PTGS1: variants seen among roughly 807,000 people sequenced by gnomAD.
PTGS1 encodes the protein prostaglandin G/H synthase 1.
Under a neutral mutation model 63.0 loss-of-function variants are expected in PTGS1, and 40 were observed. The observed-to-expected ratio is 0.63, with a 90% CI of 0.49 to 0.83. The LOEUF (loss-of-function observed/expected upper bound fraction) is 0.83, where lower values mean the gene tolerates loss of function less well. PTGS1 is among the 40% of genes least tolerant of loss of function. The probability of loss-of-function intolerance (pLI) is 0.00; values close to 1 mark genes in which losing one functional copy is unlikely to be tolerated. For synonymous variants in PTGS1, 298 were observed against 301.9 expected (o/e 0.99, Z 0.13); for missense variants, 709 against 786.5 (o/e 0.90, Z 1.18).
Position 122,383,758 on chromosome 9 carries a change from G to C in PTGS1, c.1009+3G>C. 6.2e-7 allele frequency: 1 copy of C among 1,607,724 alleles called. No individual in the cohort carries two copies. Among genetic ancestry groups the C allele is most frequent in the Non-Finnish European group, 8.5e-7 (1 of 1,179,336 alleles). ...GACGACCCGCCTCATCCTCATAGGT[G>C]AGGACTCCAGACCTGCCCTGCCCTG... On this transcript the variant is annotated splice_donor_region_variant and intron_variant, in intron 8 of 10. Transcript: ENST00000362012.
At chr9:122,390,734 A>G (rs1267004080) in intron 10 of PTGS1, among the ~76,000 whole-genome samples, 3 of 152,076 alleles carry the variant, frequency 2.0e-5, no homozygotes, top group Non-Finnish European at 4.4e-5. Flanking sequence ...CGTCTCTACT[A>G]AAAATACAAA....
rs200387400 is a variant in PTGS1, at chr9:122,392,676, C to T, written c.*132C>T. Reference sequence around the variant, plus strand: ...TGAGTGTTGGGGTTGACATTTAGAACTTTAAGTCTCACCCATTATCTGGAA... The same window carrying T: ...TGAGTGTTGGGGTTGACATTTAGAATTTTAAGTCTCACCCATTATCTGGAA... On this transcript the variant is annotated 3_prime_UTR_variant, in exon 11 of 11. Coordinates refer to ENST00000362012, the MANE Select transcript of PTGS1 (RefSeq NM_000962.4). 13 of 718,126 alleles carry T rather than the reference C, an allele frequency of 1.8e-5. No individual in the cohort carries two copies. The South Asian group carries it at 2.6e-4, about 14-fold the overall frequency. The allele number at this position is 718,126 out of a possible 1,614,324, so 44.5% of individuals were successfully genotyped here.
chr9:122,381,242 G>A (rs1837491561), intron 5 of PTGS1, 129 bp from the exon 6 acceptor site: 7 of 822,348 alleles, frequency 8.5e-6, no homozygotes. Flanking sequence ...TGGTGGTGGT[G>A]GGGAGGTGGT....
chr9:122,394,135 A>G lies in PTGS1; in HGVS notation c.*1591A>G, dbSNP rs967909747. 4 of 152,244 alleles carry G rather than the reference A, an allele frequency of 2.6e-5. No individual in the cohort carries two copies. The highest frequency in any genetic ancestry group is 9.7e-5 in the African/African-American group (4 of 41,430). 9.4% of individuals were successfully genotyped at this position (152,244 alleles called of 1,614,324 possible). On this transcript the variant is annotated 3_prime_UTR_variant, in exon 11 of 11. Transcript: ENST00000362012. ...CCCTATTGCGCTCTCAAGACCAGAGACCCAACAGCAGTGATCTCAGGGCAG... is the reference window on the plus strand; with the variant it reads ...CCCTATTGCGCTCTCAAGACCAGAGGCCCAACAGCAGTGATCTCAGGGCAG...
intron 8 of PTGS1, among the ~76,000 whole-genome samples, chr9:122,385,451 A>G (rs1837817071): frequency 6.6e-6 from 1 of 151,206 alleles, no homozygotes; most frequent in African/African-American, 2.4e-5. Flanking sequence ...TGGCCTGCAT[A>G]TCAGTTTCTT....
rs200316198 is a variant in PTGS1, at chr9:122,381,764, G to C, written c.762+17G>C. 1.6e-5 allele frequency: 26 copies of C among 1,608,004 alleles called. No homozygotes were observed. Among genetic ancestry groups the C allele is most frequent in the Non-Finnish European group, 2.2e-5 (26 of 1,175,402 alleles). On this transcript the variant is annotated intron_variant, in intron 7 of 10. Coordinates refer to ENST00000362012, the MANE Select transcript of PTGS1 (RefSeq NM_000962.4). ...AAGTACCAGGTAGTGCTGGGCCAGG[G>C]GGTAGGGCAGAGGGAGGGGTCTCCC...
intron 8 of PTGS1, among the ~76,000 whole-genome samples, 173 bp downstream of exon 8, chr9:122,383,928 C>T (rs563050818): frequency 6.6e-6 from 1 of 152,290 alleles, no homozygotes; most frequent in South Asian, 2.1e-4. Context: ...GTCTCCAAAT[C>T]TGTACGTTGG....
chr9:122,388,958 C>A (rs1588139896), intron 9 of PTGS1, among the ~76,000 whole-genome samples: 1 of 152,112 alleles, frequency 6.6e-6, no homozygotes, highest in Admixed American at 6.5e-5. Context: ...TTAGGGAACA[C>A]AATTCAACCC....
In PTGS1 at chr9:122,394,577, C is replaced by CCT. The variant is rs1838471025; in HGVS notation, c.*2036_*2037dup. 6.6e-6 allele frequency: 1 copy of CCT among 152,164 alleles called. No homozygotes were observed. Among genetic ancestry groups the CCT allele is most frequent in the African/African-American group, 2.4e-5 (1 of 41,446 alleles). The allele number at this position is 152,164 out of a possible 1,614,324, so 9.4% of individuals were successfully genotyped here. Reference sequence around the variant, plus strand: ...TTCTATTTCCCCTCTTCTGCTAATACCTCTTACTTTGCTTGAGAATCCTCT... The same window carrying CCT: ...TTCTATTTCCCCTCTTCTGCTAATACCTCTCTTACTTTGCTTGAGAATCCTCT... On this transcript the variant is annotated 3_prime_UTR_variant, in exon 11 of 11. Coordinates refer to ENST00000362012, the MANE Select transcript of PTGS1 (RefSeq NM_000962.4).
chr9:122,379,562 T>C (rs1408444739), intron 5 of PTGS1, among the ~76,000 whole-genome samples: 1 of 152,252 alleles, frequency 6.6e-6, no homozygotes, highest in Non-Finnish European at 1.5e-5. Flanking sequence ...CTCATGGTTA[T>C]GTGCTTTTTT....
chr9:122,391,428 C>T lies in PTGS1; in HGVS notation c.1445-761C>T, dbSNP rs201148754. Among the ~76,000 whole-genome samples, 722 of 99,536 alleles carry T rather than the reference C, an allele frequency of 7.3e-3. 12 individuals carry two copies. The highest frequency in any genetic ancestry group is 0.021 in the East Asian group (85 of 4,026). 65.3% of individuals were successfully genotyped at this position (99,536 alleles called of 152,430 possible). On this transcript the variant is annotated intron_variant, in intron 10 of 10. Coordinates refer to ENST00000362012, the MANE Select transcript of PTGS1 (RefSeq NM_000962.4). ...ATATATACATATATATATATATATA[C>T]ATATATATATATATATATTTCCCCC... is the stretch of plus-strand genomic sequence containing the variant.
intron 10 of PTGS1, among the ~76,000 whole-genome samples, chr9:122,391,378 TATATATACATATATATATAC>T (rs1394372039): frequency 1.1e-5 from 1 of 93,454 alleles, no homozygotes; most frequent in East Asian, 2.5e-4. Context: ...TATACATATA[TATATATACATATATATATAC>T]ATATATATAT....
At position 122,386,430 on chromosome 9, in the gene PTGS1, A is replaced by T; in HGVS notation, c.1010-16A>T. Reference sequence around the variant, plus strand: ...CTGTGCTTGGCTGACCCTATTTCCAATCCTGCCCTGCCCAGGGGAGACCAT... The same window carrying T: ...CTGTGCTTGGCTGACCCTATTTCCATTCCTGCCCTGCCCAGGGGAGACCAT... On this transcript the variant is annotated splice_polypyrimidine_tract_variant and intron_variant, in intron 8 of 10. Coordinates refer to ENST00000362012, the MANE Select transcript of PTGS1 (RefSeq NM_000962.4). The T allele has an allele frequency of 6.2e-7, 1 of 1,612,748 alleles. No individual in the cohort carries two copies. The highest frequency in any genetic ancestry group is 1.1e-5 in the South Asian group (1 of 90,956).
intron 8 of PTGS1, among the ~76,000 whole-genome samples, chr9:122,384,937 T>C (rs1837784219): frequency 6.6e-6 from 1 of 152,212 alleles, no homozygotes; most frequent in Non-Finnish European, 1.5e-5. Context: ...TCAACAACCC[T>C]AATATAGTAT....
Position 122,386,845 on chromosome 9 carries a change from G to A in PTGS1, c.1296+113G>A, listed in dbSNP as rs911488082. 5.7e-6 allele frequency: 7 copies of A among 1,221,110 alleles called. No individual in the cohort carries two copies. In the Admixed American group the frequency reaches 7.4e-5, roughly 13 times the overall value. The allele number at this position is 1,221,110 out of a possible 1,614,324, so 75.6% of individuals were successfully genotyped here. On this transcript the variant is annotated intron_variant, in intron 9 of 10. Coordinates refer to ENST00000362012, the MANE Select transcript of PTGS1 (RefSeq NM_000962.4). ...ATGGGGCTGATGTCACTTCTACAGG[G>A]CAGTTGTAAGCATTCCTGTGTGAGT...
Position 122,392,450 on chromosome 9 carries a change from T to C in PTGS1, c.1706T>C (p.Leu569Pro). 1 of 1,614,150 alleles carries C rather than the reference T, an allele frequency of 6.2e-7. No individual in the cohort carries two copies. The highest frequency in any genetic ancestry group is 8.5e-7 in the Non-Finnish European group (1 of 1,180,034). Residue 569 changes from leucine to proline, a missense_variant, in exon 11 of 11, where the codon CTC becomes CCC. Coordinates refer to ENST00000362012, the MANE Select transcript of PTGS1 (RefSeq NM_000962.4). The part of the protein sequence containing the change: ...KTATLKKLVC[L>P]NTKTCPYVSF... ...GCCACACTGAAGAAGCTGGTCTGCC[T>C]CAACACCAAGACCTGTCCCTACGTT...
intron 9 of PTGS1, among the ~76,000 whole-genome samples, chr9:122,388,111 A>C (rs918551591): frequency 6.6e-6 from 1 of 152,258 alleles, no homozygotes; most frequent in African/African-American, 2.4e-5. Flanking sequence ...AACGTTTTCA[A>C]GGAATGACCA....
intron 9 of PTGS1, among the ~76,000 whole-genome samples, chr9:122,388,143 C>T (rs911284905): frequency 1.3e-5 from 2 of 152,132 alleles, no homozygotes; most frequent in African/African-American, 4.8e-5. Flanking sequence ...GTGAAAAGCC[C>T]CGGCGTCGTA....
intron 8 of PTGS1, among the ~76,000 whole-genome samples, 162 bp downstream of exon 8, chr9:122,383,917 G>A (rs920888729): frequency 4.6e-5 from 7 of 152,098 alleles, no homozygotes; most frequent in Non-Finnish European, 7.4e-5. Flanking sequence ...TGTGAGCCTC[G>A]GTCTCCAAAT....
Sources: allele counts gnomAD v4.1 joint callset (sites outside exome capture counted in the v4.1 genomes callset), GRCh38; gene constraint gnomAD v4.1.1; transcripts MANE v1.5; gene names NCBI Gene and HGNC (gene_info 2026-07-23, HGNC 2026-07-21).